The following CPSF3 variants were observed in gnomAD, a reference collection of about 807,000 sequenced individuals.
The protein encoded by CPSF3 is cleavage and polyadenylation specific factor 3, also known as cleavage and polyadenylation specificity factor subunit 3.
In CPSF3, 57 loss-of-function variants were observed where a neutral mutation model predicts 84.1. The observed-to-expected ratio is 0.68, with a 90% CI of 0.55 to 0.85. The LOEUF (loss-of-function observed/expected upper bound fraction) is 0.85. CPSF3 is among the 40% of genes least tolerant of loss of function. The pLI, the probability that CPSF3 is intolerant of heterozygous loss-of-function variation, is 0.00. For synonymous variants in CPSF3, 275 were observed against 278.1 expected (o/e 0.99, Z 0.11); for missense variants, 522 against 838.8 (o/e 0.62, Z 4.66).
At chr2:9,427,342 A>C (rs1386487090) in intron 1 of CPSF3, among the ~76,000 whole-genome samples, 1 of 152,230 alleles carries the variant, frequency 6.6e-6, no homozygotes, top group Non-Finnish European at 1.5e-5. Flanking sequence ...GGAAATTTAC[A>C]AATGGACTGT....
intron 13 of CPSF3, among the ~76,000 whole-genome samples, chr2:9,456,582 A>G (rs1361823382): frequency 6.6e-6 from 1 of 152,230 alleles, no homozygotes; most frequent in East Asian, 1.9e-4. Flanking sequence ...CGAAGACAGA[A>G]GGTAGATGAA....
chr2:9,438,375 T>A (rs1680857963), intron 7 of CPSF3, among the ~76,000 whole-genome samples: 1 of 152,206 alleles, frequency 6.6e-6, no homozygotes, highest in Non-Finnish European at 1.5e-5. Context: ...GAAACAATGT[T>A]GCCACCATCA....
chr2:9,463,558 CGTG>C (rs1225758177), intron 15 of CPSF3, among the ~76,000 whole-genome samples: 7 of 152,218 alleles, frequency 4.6e-5, no homozygotes, highest in Admixed American at 1.3e-4. Flanking sequence ...AGTTGTCACT[CGTG>C]GGGCTAAGTG....
rs76460691 is a variant in CPSF3 at position 9,470,669 on chromosome 2, C to G, written c.1857-674C>G. ...TAGTGGGCTTGGGAGCCATTTAAAC[C>G]TAGATACCTGGATTTGAATGCCGGC... is the stretch of plus-strand genomic sequence containing the variant. On this transcript the variant is annotated intron_variant, in intron 16 of 17. Transcript: ENST00000238112. Among the ~76,000 whole-genome samples the G allele has an allele frequency of 2.0e-5, 3 of 152,318 alleles. No individual in the cohort carries two copies. In the East Asian group the frequency reaches 5.8e-4, roughly 29 times the overall value.
rs1447039749 is a variant in CPSF3 at position 9,467,712 on chromosome 2, G to C, written c.1792G>C (p.Val598Leu). The change falls in exon 16 of 18, where the codon GTA becomes CTA. Residue 598 changes from valine (V) to leucine (L), a missense_variant. Val to Leu is a conservative substitution (Grantham distance 32, BLOSUM62 1). Coordinates refer to ENST00000238112, the MANE Select transcript of CPSF3 (RefSeq NM_016207.4). ...GTCGCTTTTTTTTTTCCCAGGTGCA[G>C]TACAGAAGGTTTCTAAAAAATTAGA... ...QSNPKIRKGA[V>L]QKVSKKLEMH... The C allele has an allele frequency of 6.2e-7, 1 of 1,609,162 alleles. No homozygotes were observed. The highest frequency in any genetic ancestry group is 8.5e-7 in the Non-Finnish European group (1 of 1,176,306).
chr2:9,459,649 TTTTTTTTTTTTTTTTTTG>T, intron 15 of CPSF3, 31 bp downstream of exon 15: 1 of 969,776 alleles, frequency 1.0e-6, no homozygotes, highest in Non-Finnish European at 1.4e-6. Flanking sequence ...TTTTTTTTTT[TTTTTTTTTTTTTTTTTTG>T]GAGACGGATA....
intron 17 of CPSF3, 41 bp from the exon 18 acceptor site, chr2:9,472,875 T>C (rs750173472): frequency 7.9e-7 from 1 of 1,261,650 alleles, no homozygotes; most frequent in Non-Finnish European, 1.2e-6. Flanking sequence ...ATAATCATTA[T>C]AGACTTAATT....
At chr2:9,442,871 A>T (rs1475579956) in intron 9 of CPSF3, among the ~76,000 whole-genome samples, 2 of 151,892 alleles carry the variant, frequency 1.3e-5, no homozygotes, top group African/African-American at 4.8e-5. Flanking sequence ...AAAGAAAAAA[A>T]AAATTTCCAG....
intron 5 of CPSF3, among the ~76,000 whole-genome samples, chr2:9,433,582 C>CT (rs1176275007): frequency 6.6e-6 from 1 of 152,144 alleles, no homozygotes. Flanking sequence ...CCCTTTTTCT[C>CT]TAAGAAGTTC....
chr2:9,472,417 C>T (rs796355939), intron 17 of CPSF3, among the ~76,000 whole-genome samples: 6 of 152,094 alleles, frequency 3.9e-5, no homozygotes, highest in African/African-American at 1.4e-4. Context: ...CATTCCTTGC[C>T]AAGTAATTTG....
intron 11 of CPSF3, among the ~76,000 whole-genome samples, chr2:9,452,319 CTG>C (rs1681360109): frequency 7.3e-6 from 1 of 136,148 alleles, no homozygotes; most frequent in African/African-American, 3.0e-5. Context: ...CAGTGAGACA[CTG>C]TCTCAAAAAA....
At position 9,431,767 on chromosome 2, in the gene CPSF3, TC is replaced by T. The variant is rs201136871; in HGVS notation, c.342-743del. Among the ~76,000 whole-genome samples the T allele has an allele frequency of 2.9e-3, 446 of 152,046 alleles. 4 individuals are homozygous for T. The highest frequency in any genetic ancestry group is 9.9e-3 in the African/African-American group (410 of 41,472). ...GGTTTTACCATGTTGGCCAGCCTGG[TC>T]TTGAACTCCTGACCTCAGGTGATCT... is the stretch of plus-strand genomic sequence containing the variant. On this transcript the variant is annotated intron_variant, in intron 4 of 17. Transcript: ENST00000238112.
chr2:9,467,149 C>T (rs1391622147), intron 15 of CPSF3, among the ~76,000 whole-genome samples: 1 of 152,110 alleles, frequency 6.6e-6, no homozygotes, highest in African/African-American at 2.4e-5. Flanking sequence ...CAGAGCATGC[C>T]TGAAACTCCA....
chr2:9,423,970 T>A, intron 1 of CPSF3, 147 bp downstream of exon 1: 1 of 1,448,282 alleles, frequency 6.9e-7, no homozygotes, highest in South Asian at 1.4e-5. Flanking sequence ...CTTCTCAGGC[T>A]CGAGGGGTTG....
chr2:9,466,305 C>T (rs1401673529), intron 15 of CPSF3, among the ~76,000 whole-genome samples: 6 of 112,026 alleles, frequency 5.4e-5, no homozygotes, highest in South Asian at 2.7e-4. Context: ...CGCATGCACA[C>T]GCACACTGAC....
chr2:9,440,094 ATAT>A (rs1343146255), intron 7 of CPSF3, among the ~76,000 whole-genome samples: 2 of 152,208 alleles, frequency 1.3e-5, no homozygotes, highest in Admixed American at 6.5e-5. Context: ...TCTGTTTGAA[ATAT>A]TAATAATACA....
At chr2:9,423,899 C>A in intron 1 of CPSF3, 76 bp downstream of exon 1, 1 of 1,568,072 alleles carries the variant, frequency 6.4e-7, no homozygotes, top group South Asian at 1.1e-5. Flanking sequence ...CTGGCCTCCT[C>A]CGTCGCCCGC....
At chr2:9,457,242 T>C (rs1326387937) in intron 14 of CPSF3, among the ~76,000 whole-genome samples, 3 of 151,786 alleles carry the variant, frequency 2.0e-5, no homozygotes, top group Non-Finnish European at 4.4e-5. Context: ...ATTTTCTATG[T>C]AGTCACAAAA....
At chr2:9,425,325 G>C (rs1165143563) in intron 1 of CPSF3, among the ~76,000 whole-genome samples, 1 of 152,214 alleles carries the variant, frequency 6.6e-6, no homozygotes, top group African/African-American at 2.4e-5. Context: ...GTCAATTACA[G>C]GGAGCCAGCG....
Sources: allele counts gnomAD v4.1 joint callset (sites outside exome capture counted in the v4.1 genomes callset), GRCh38; gene constraint gnomAD v4.1.1; transcripts MANE v1.5; gene names NCBI Gene and HGNC (gene_info 2026-07-23, HGNC 2026-07-21).